TTLL1: variants seen among roughly 807,000 people sequenced by gnomAD.
TTLL1 encodes the protein TTL family tubulin polyglutamylase complex subunit L1.
In TTLL1, 33 loss-of-function variants were observed where a neutral mutation model predicts 47.8. The ratio of observed to expected loss-of-function variants is 0.69; its 90% CI spans 0.52 to 0.92. The LOEUF (loss-of-function observed/expected upper bound fraction) is 0.92, where lower values mean the gene tolerates loss of function less well. Ranked by LOEUF, TTLL1 falls within the 40% of genes least tolerant of loss-of-function variation. TTLL1 has a pLI of 0.00. For synonymous variants in TTLL1, 225 were observed against 214.1 expected (o/e 1.05, Z -0.45); for missense variants, 488 against 547.5 (o/e 0.89, Z 1.08).
At chr22:43,088,236 C>T (rs1929365929) in intron 1 of TTLL1, among the ~76,000 whole-genome samples, 1 of 151,676 alleles carries the variant, frequency 6.6e-6, no homozygotes, top group Non-Finnish European at 1.5e-5. Context: ...TGTCACTGTC[C>T]ATCTCCACGC....
chr22:43,075,380 G>C (rs2294413), intron 3 of TTLL1, 94 bp downstream of exon 3: 338,173 of 1,005,946 alleles, frequency 0.34, 66,565 homozygotes, highest in East Asian at 0.77. Context: ...ACAGGAGACA[G>C]TGGCTCTGAG....
intron 9 of TTLL1, among the ~76,000 whole-genome samples, chr22:43,051,573 G>A (rs114741693): frequency 0.012 from 1,829 of 152,184 alleles, 41 homozygotes; most frequent in African/African-American, 0.041. Flanking sequence ...CCAAGTTCAC[G>A]TGAGATGGGC....
rs972904383 is a variant in TTLL1, at chr22:43,077,835, G to A, written c.-5+2067C>T. 4.6e-5 allele frequency among the ~76,000 whole-genome samples: 7 copies of A among 152,288 alleles called. No homozygotes were observed. The South Asian group carries it at 8.3e-4, about 18-fold the overall frequency. ...TTAAGACAATCTTCTGGCCGGGCGCGGTGGCTCACGCCTATAATCCCAGCA... is the reference window on the plus strand; with the variant it reads ...TTAAGACAATCTTCTGGCCGGGCGCAGTGGCTCACGCCTATAATCCCAGCA... On this transcript the variant is annotated intron_variant, in intron 2 of 10. Coordinates refer to ENST00000266254, the MANE Select transcript of TTLL1 (RefSeq NM_012263.5).
chr22:43,062,307 A>G (rs765737248), intron 7 of TTLL1, among the ~76,000 whole-genome samples: 10 of 152,072 alleles, frequency 6.6e-5, no homozygotes, highest in Admixed American at 2.6e-4. Context: ...TCTGGCCAAC[A>G]TGGGGAAATC....
intron 10 of TTLL1, among the ~76,000 whole-genome samples, chr22:43,041,520 ATTTTC>A (rs1259489250): frequency 1.6e-5 from 2 of 125,710 alleles, no homozygotes; most frequent in African/African-American, 6.4e-5. Context: ...GGAAGAAAGC[ATTTTC>A]TGATTCCTTT....
intron 4 of TTLL1, 93 bp from the exon 5 acceptor site, chr22:43,068,683 G>T: frequency 8.2e-7 from 1 of 1,221,236 alleles, no homozygotes; most frequent in South Asian, 2.8e-5. Flanking sequence ...AGGGCCTGTG[G>T]GCTGAGTGTC....
chr22:43,085,227 C>T (rs543957063), intron 1 of TTLL1, among the ~76,000 whole-genome samples: 3 of 152,126 alleles, frequency 2.0e-5, no homozygotes, highest in South Asian at 2.1e-4. Context: ...CCGCCTGCCT[C>T]GGCCTCCCAA....
At chr22:43,083,626 G>C (rs757522273) in intron 1 of TTLL1, among the ~76,000 whole-genome samples, 14 of 152,144 alleles carry the variant, frequency 9.2e-5, no homozygotes, top group Non-Finnish European at 1.3e-4. Flanking sequence ...TACTCGGGAG[G>C]CTGAGGCATG....
intron 4 of TTLL1, among the ~76,000 whole-genome samples, chr22:43,069,101 G>C (rs141657115): frequency 9.2e-4 from 140 of 151,840 alleles, no homozygotes; most frequent in African/African-American, 3.2e-3. Context: ...TGCTGGCTGG[G>C]TGTGGTGGCT....
intron 2 of TTLL1, among the ~76,000 whole-genome samples, chr22:43,076,263 G>A (rs759650781): frequency 3.0e-4 from 46 of 151,874 alleles, no homozygotes; most frequent in Non-Finnish European, 5.4e-4. Flanking sequence ...CAAGACCAGC[G>A]TGGCCAATGT....
chr22:43,055,013 C>T (rs958868906), intron 8 of TTLL1, among the ~76,000 whole-genome samples: 4 of 150,826 alleles, frequency 2.7e-5, no homozygotes, highest in African/African-American at 7.3e-5. Flanking sequence ...TGTGAGCCAC[C>T]GCACCCAGCC....
intron 1 of TTLL1, among the ~76,000 whole-genome samples, 154 bp downstream of exon 1, chr22:43,089,123 G>T (rs937379350): frequency 2.0e-5 from 3 of 152,202 alleles, no homozygotes; most frequent in Admixed American, 2.0e-4. Context: ...GGGCTTCCTG[G>T]AGGACGCGGA....
intron 9 of TTLL1, among the ~76,000 whole-genome samples, chr22:43,048,900 G>T (rs545470355): frequency 6.6e-6 from 1 of 152,196 alleles, no homozygotes; most frequent in Non-Finnish European, 1.5e-5. Flanking sequence ...TCGTGCCACT[G>T]CACTCCAGCC....
chr22:43,062,488 T>C (rs1927449006), intron 7 of TTLL1, among the ~76,000 whole-genome samples: 1 of 124,576 alleles, frequency 8.0e-6, no homozygotes, highest in African/African-American at 3.4e-5. Flanking sequence ...AGACTCTGTC[T>C]CTTAAAAAAA....
In TTLL1 at chr22:43,046,420, A is replaced by G; in HGVS notation, c.1132T>C (p.Tyr378His). ...KSPPKEVLGN[Y>H]EILYDEELAQ... Reference sequence around the variant, plus strand: ...CACACACACACTTACAGAATCTCGTAATTGCCGAGGACTTCCTTAGGTGGC... The same window carrying G: ...CACACACACACTTACAGAATCTCGTGATTGCCGAGGACTTCCTTAGGTGGC... The change falls in exon 10 of 11, where the codon TAC becomes CAC. Residue 378 changes from tyrosine to histidine, a missense_variant. Transcript: ENST00000266254. 6.2e-7 allele frequency: 1 copy of G among 1,614,038 alleles called. No homozygotes were observed. Among genetic ancestry groups the G allele is most frequent in the South Asian group, 1.1e-5 (1 of 91,072 alleles).
intron 5 of TTLL1, among the ~76,000 whole-genome samples, chr22:43,067,586 C>T (rs556153571): frequency 5.9e-5 from 9 of 152,260 alleles, no homozygotes; most frequent in Middle Eastern, 3.4e-3. Flanking sequence ...ACTAATCACA[C>T]GAAGACAACC....
intron 5 of TTLL1, 39 bp downstream of exon 5, chr22:43,068,371 G>A (rs1306214325): frequency 7.0e-7 from 1 of 1,435,322 alleles, no homozygotes; most frequent in East Asian, 2.4e-5. Flanking sequence ...ACGGTGAACT[G>A]GGACCTGGCA....
Position 43,077,182 on chromosome 22 carries a change from C to T in TTLL1, c.-4-1592G>A, listed in dbSNP as rs1928562530. ...TCCCCAGGGCACTTAAACACACAGA[C>T]CCCTGGCCCTCACCTGCTTCCCCAG... is the stretch of plus-strand genomic sequence containing the variant. On this transcript the variant is annotated intron_variant, in intron 2 of 10. Transcript: ENST00000266254. 2.6e-5 allele frequency among the ~76,000 whole-genome samples: 4 copies of T among 152,096 alleles called. No individual in the cohort carries two copies. In the South Asian group the frequency reaches 8.3e-4, roughly 32 times the overall value.
chr22:43,072,841 C>T lies in TTLL1; in HGVS notation c.113+2633G>A, dbSNP rs139042393. Reference sequence around the variant, plus strand: ...CTGCCCAGGCTGGTCTCAAACTCCTCGCAAGGTGCTGGGATTACAGGCATG... The same window carrying T: ...CTGCCCAGGCTGGTCTCAAACTCCTTGCAAGGTGCTGGGATTACAGGCATG... On this transcript the variant is annotated intron_variant, in intron 3 of 10. Transcript: ENST00000266254. Among the ~76,000 whole-genome samples the T allele has an allele frequency of 6.6e-5, 10 of 151,860 alleles. No individual in the cohort carries two copies. In the East Asian group the frequency reaches 9.8e-4, roughly 15 times the overall value.
Sources: gnomAD v4.1 joint callset for allele counts (sites outside exome capture counted in the v4.1 genomes callset) on GRCh38, gnomAD v4.1.1 for gene constraint, MANE v1.5 for transcripts, NCBI Gene and HGNC (gene_info 2026-07-23, HGNC 2026-07-21) for gene names.